PELP1: variants seen among roughly 807,000 people sequenced by gnomAD.
The protein encoded by PELP1 is proline-, glutamic acid- and leucine-rich protein 1.
A neutral mutation model predicts 95.5 loss-of-function variants in PELP1; 32 were observed. That is an observed-to-expected ratio of 0.34 (90% CI 0.25 to 0.45). The LOEUF (loss-of-function observed/expected upper bound fraction) is 0.45. PELP1 is among the 20% of genes least tolerant of loss of function. PELP1 has a pLI of 1.00. For synonymous variants in PELP1, 668 were observed against 600.1 expected (o/e 1.11, Z -1.65); for missense variants, 1,358 against 1,444.8 (o/e 0.94, Z 0.97).
At chr17:4,681,605 T>A (rs151301111) in intron 5 of PELP1, among the ~76,000 whole-genome samples, 1 of 150,992 alleles carries the variant, frequency 6.6e-6, no homozygotes, top group Non-Finnish European at 1.5e-5. Flanking sequence ...ATCGAGACCA[T>A]CCTGGCCAAC....
intron 3 of PELP1, among the ~76,000 whole-genome samples, chr17:4,683,379 C>T (rs530677752): frequency 6.1e-4 from 93 of 151,800 alleles, no homozygotes; most frequent in African/African-American, 1.7e-3. Flanking sequence ...CGCCACCACG[C>T]CTGACTAATT....
Position 4,675,494 on chromosome 17 carries a change from A to G in PELP1, c.1069-132T>C. The G allele has an allele frequency of 1.4e-6, 1 of 726,738 alleles. No individual in the cohort carries two copies. Among genetic ancestry groups the G allele is most frequent in the East Asian group, 2.7e-5 (1 of 37,326 alleles). 45.0% of individuals were successfully genotyped at this position (726,738 alleles called of 1,614,324 possible). A position where few individuals can be genotyped will look rare whatever the true frequency, so the allele number is the denominator to read the frequency against. ...CCAACCCCTGATCTCAGCTCTCCCA[A>G]CAAAATCAAACCCCTATCCTCTAAA... On this transcript the variant is annotated intron_variant, in intron 9 of 16. Transcript: ENST00000572293. The surrounding 1 kb of genome is among the most constrained non-coding windows in gnomAD (Gnocchi z 4.3).
At chr17:4,687,956 C>G (rs1256833673) in intron 3 of PELP1, among the ~76,000 whole-genome samples, 1 of 152,182 alleles carries the variant, frequency 6.6e-6, no homozygotes, top group African/African-American at 2.4e-5. Flanking sequence ...AGAACTGGAA[C>G]AAGACAAGGA....
chr17:4,682,657 CT>C, intron 4 of PELP1, 84 bp from the exon 5 acceptor site: 1 of 1,442,502 alleles, frequency 6.9e-7, no homozygotes, highest in South Asian at 1.2e-5. Context: ...CACAAGGGCC[CT>C]TCTCCAGAAA....
At chr17:4,686,770 G>A (rs555264363) in intron 3 of PELP1, among the ~76,000 whole-genome samples, 7 of 152,040 alleles carry the variant, frequency 4.6e-5, no homozygotes, top group South Asian at 2.1e-4. Context: ...CGCCCACCTC[G>A]GCCTCCCAAA....
At chr17:4,687,166 T>C (rs1489394579) in intron 3 of PELP1, among the ~76,000 whole-genome samples, 1 of 152,222 alleles carries the variant, frequency 6.6e-6, no homozygotes, top group African/African-American at 2.4e-5. Flanking sequence ...ATTCTCCTGT[T>C]ACATGTTTTC....
rs879707896 is a variant in PELP1 at position 4,693,466 on chromosome 17, G to C, written c.250-2024C>G. 3.9e-5 allele frequency among the ~76,000 whole-genome samples: 6 copies of C among 152,236 alleles called. 1 individual carries two copies. The highest frequency in any genetic ancestry group is 8.8e-5 in the Non-Finnish European group (6 of 68,026). ...AGCCTATGAAAGATTTTATCAGTTA[G>C]GCACAGTAAGAGATTAACAACCACT... On this transcript the variant is annotated intron_variant, in intron 1 of 16. Transcript: ENST00000572293.
At position 4,671,078 on chromosome 17, in the gene PELP1, A is replaced by C. The variant is rs754370069; in HGVS notation, c.*361T>G. 5 of 300,618 alleles carry C rather than the reference A, an allele frequency of 1.7e-5. No homozygotes were observed. The highest frequency in any genetic ancestry group is 2.5e-5 in the Non-Finnish European group (4 of 158,424). 18.6% of individuals were successfully genotyped at this position (300,618 alleles called of 1,614,324 possible). A position where few individuals can be genotyped will look rare whatever the true frequency, so the allele number is the denominator to read the frequency against. On this transcript the variant is annotated 3_prime_UTR_variant, in exon 17 of 17. Transcript: ENST00000572293. ...GACACAGGTCCACTCACTAGGATGC[A>C]TTCTCCACACATTTCCCACCCCGAA...
chr17:4,674,961 G>T lies in PELP1; in HGVS notation c.1275-5C>A, dbSNP rs1273069390. On this transcript the variant is annotated splice_region_variant and splice_polypyrimidine_tract_variant and intron_variant, in intron 11 of 16. Transcript: ENST00000572293. Reference sequence around the variant, plus strand: ...TACACCTTGGTCCGAACCGTGCTGTGTCATGAGCAAAGATGGCAGTTATGA... The same window carrying T: ...TACACCTTGGTCCGAACCGTGCTGTTTCATGAGCAAAGATGGCAGTTATGA... 2 of 1,608,608 alleles carry T rather than the reference G, an allele frequency of 1.2e-6. No homozygotes were observed. Among genetic ancestry groups the T allele is most frequent in the South Asian group, 2.2e-5 (2 of 90,858 alleles).
Position 4,675,220 on chromosome 17 carries a change from C to T in PELP1, c.1158-25G>A, listed in dbSNP as rs968565547. On this transcript the variant is annotated intron_variant, in intron 10 of 16. Coordinates refer to ENST00000572293, the MANE Select transcript of PELP1 (RefSeq NM_014389.3). The surrounding 1 kb of genome is among the most constrained non-coding windows in gnomAD (Gnocchi z 4.3). ...CCTGGGGCAGAGAAGGAATGGTGAC[C>T]CTCGTTTCTGGCACGCCCTATCCCT... 5 of 1,608,772 alleles carry T rather than the reference C, an allele frequency of 3.1e-6. No homozygotes were observed. In the African/African-American group the frequency reaches 6.7e-5, roughly 22 times the overall value.
Position 4,672,327 on chromosome 17 carries a change from T to C in PELP1, c.2664A>G (p.Glu888=). The change falls in exon 16 of 17, where the codon GAA becomes GAG. Residue 888 remains glutamate, a synonymous_variant. Coordinates refer to ENST00000572293, the MANE Select transcript of PELP1 (RefSeq NM_014389.3). Reference sequence around the variant, plus strand: ...CCTCTTCTTCCTCTTCCTCCTCCTCTTCATCACTGCTGTTGATATTAATAA... The same window carrying C: ...CCTCTTCTTCCTCTTCCTCCTCCTCCTCATCACTGCTGTTGATATTAATAA... ...LTVININSSD[E]EEEEEEEEEE... is the part of the protein sequence containing the mutation. The C allele has an allele frequency of 5.1e-6, 8 of 1,553,444 alleles. No homozygotes were observed. The highest frequency in any genetic ancestry group is 7.0e-6 in the Non-Finnish European group (8 of 1,147,984).
At position 4,674,509 on chromosome 17, in the gene PELP1, C is replaced by T. The variant is rs1413318265; in HGVS notation, c.1582+1G>A. ...TGGTCCAGGGCACAGGCCTCACCCA[C>T]CTCTGAGTGCAGCCGCACACACGTC... On this transcript the variant is annotated splice_donor_variant, in intron 13 of 16. Transcript: ENST00000572293. LOFTEE classifies it high-confidence loss of function. The T allele has an allele frequency of 6.2e-7, 1 of 1,612,026 alleles. No homozygotes were observed. Among genetic ancestry groups the T allele is most frequent in the Non-Finnish European group, 8.5e-7 (1 of 1,179,280 alleles).
Position 4,674,514 on chromosome 17 carries a change from G to C in PELP1, c.1578C>G (p.Leu526=), listed in dbSNP as rs1375266039. 6.2e-7 allele frequency: 1 copy of C among 1,612,118 alleles called. No homozygotes were observed. ...CAGGGCACAGGCCTCACCCACCTCTGAGTGCAGCCGCACACACGTCGCTGT... is the reference window on the plus strand; with the variant it reads ...CAGGGCACAGGCCTCACCCACCTCTCAGTGCAGCCGCACACACGTCGCTGT... The part of the protein sequence containing the change: ...NANSDVCAAA[L]RGLSRTILMC... The change falls in exon 13 of 17, where the codon CTC becomes CTG. Residue 526 remains leucine, a synonymous_variant. Coordinates refer to ENST00000572293, the MANE Select transcript of PELP1 (RefSeq NM_014389.3).
In PELP1 at chr17:4,675,922, C is replaced by T. The variant is rs760734719; in HGVS notation, c.981-38G>A. On this transcript the variant is annotated intron_variant, in intron 8 of 16. Coordinates refer to ENST00000572293, the MANE Select transcript of PELP1 (RefSeq NM_014389.3). The surrounding 1 kb of genome is among the most constrained non-coding windows in gnomAD (Gnocchi z 4.3). The stretch of plus-strand genomic sequence containing the variant: ...AGAGCAGGGAGACCTTCAGAGCAGG[C>T]TCCCTGGCATAACTCCCACACCCAC... 5 of 1,581,210 alleles carry T rather than the reference C, an allele frequency of 3.2e-6. No individual in the cohort carries two copies. Among genetic ancestry groups the T allele is most frequent in the African/African-American group, 1.3e-5 (1 of 74,074 alleles).
At chr17:4,679,078 G>A (rs1401023776) in intron 5 of PELP1, among the ~76,000 whole-genome samples, 1 of 151,686 alleles carries the variant, frequency 6.6e-6, no homozygotes, top group Non-Finnish European at 1.5e-5. Flanking sequence ...CCAGGCTAGA[G>A]TGCAGTGCCA....
In PELP1 at chr17:4,675,199, G is replaced by C. The variant is rs762946047; in HGVS notation, c.1158-4C>G. The C allele has an allele frequency of 1.2e-6, 2 of 1,612,800 alleles. No individual in the cohort carries two copies. Among genetic ancestry groups the C allele is most frequent in the African/African-American group, 1.3e-5 (1 of 74,982 alleles). The stretch of plus-strand genomic sequence containing the variant: ...GCGCAAGAGCCGGCTTCCACACCTG[G>C]GGCAGAGAAGGAATGGTGACCCTCG... On this transcript the variant is annotated splice_polypyrimidine_tract_variant and splice_region_variant and intron_variant, in intron 10 of 16. Transcript: ENST00000572293. This position sits in a 1 kb window ranked among gnomAD's most constrained non-coding sequence, Gnocchi z 4.3.
At chr17:4,688,035 AG>A (rs1386732826) in intron 3 of PELP1, among the ~76,000 whole-genome samples, 8 of 152,148 alleles carry the variant, frequency 5.3e-5, no homozygotes, top group African/African-American at 1.9e-4. Flanking sequence ...GACAAGAGAA[AG>A]AAATAAAGGG....
chr17:4,686,067 A>G (rs555962736), intron 3 of PELP1, among the ~76,000 whole-genome samples: 1 of 152,238 alleles, frequency 6.6e-6, no homozygotes, highest in South Asian at 2.1e-4. Flanking sequence ...ACTGCACTCC[A>G]GCCTGGGCCA....
At chr17:4,698,431 G>A (rs1179018336) in intron 1 of PELP1, among the ~76,000 whole-genome samples, 3 of 150,276 alleles carry the variant, frequency 2.0e-5, no homozygotes, top group African/African-American at 4.9e-5. Context: ...TCAGGAGTTC[G>A]AGACCAGCCT....
Sources: allele counts gnomAD v4.1 joint callset (sites outside exome capture counted in the v4.1 genomes callset), GRCh38; gene constraint gnomAD v4.1.1; non-coding constraint Gnocchi (gnomAD v3.1); transcripts MANE v1.5; gene names NCBI Gene and HGNC (gene_info 2026-07-23, HGNC 2026-07-21).